Variants in NAPEPLD observed in about 807,000 individuals in gnomAD.
NAPEPLD encodes N-acyl-phosphatidylethanolamine-hydrolyzing phospholipase D.
A neutral mutation model predicts 38.1 loss-of-function variants in NAPEPLD; 23 were observed. The observed-to-expected ratio is 0.60, with a 90% CI of 0.43 to 0.86. NAPEPLD has a LOEUF of 0.86. NAPEPLD is among the 40% of genes least tolerant of loss of function. NAPEPLD has a pLI of 0.00. For synonymous variants in NAPEPLD, 147 were observed against 162.0 expected, an observed-to-expected ratio of 0.91 and a Z score of 0.71; for missense variants, 411 against 476.8, an observed-to-expected ratio of 0.86 and a Z score of 1.28.
At chr7:103,148,751 T>G in intron 1 of NAPEPLD, 60 bp downstream of exon 1, 1 of 926,122 alleles carries the variant, frequency 1.1e-6, no homozygotes, top group Non-Finnish European at 1.3e-6. Flanking sequence ...CAACAATAAG[T>G]TGCTCGGAGG....
rs1813089612 is a variant in NAPEPLD, at chr7:103,148,617, C to G, written c.-17+194G>C. Among the ~76,000 whole-genome samples, 3 of 150,370 alleles carry G rather than the reference C, an allele frequency of 2.0e-5. No homozygotes were observed. The South Asian group carries it at 6.3e-4, about 32-fold the overall frequency. ...ACAGCCTTCCACCACCCCTCCCCAG[C>G]TAGCCCCATTTTTTTTTTTGCTCTT... On this transcript the variant is annotated intron_variant, in intron 1 of 4. Coordinates refer to ENST00000465647, the MANE Select transcript of NAPEPLD (RefSeq NM_001122838.3).
chr7:103,103,403 A>G lies in NAPEPLD; in HGVS notation c.*26T>C, dbSNP rs780463597. 6.6e-7 allele frequency: 1 copy of G among 1,519,234 alleles called. No individual in the cohort carries two copies. Among genetic ancestry groups the G allele is most frequent in the Admixed American group, 2.5e-5 (1 of 40,716 alleles). 94.1% of individuals were successfully genotyped at this position (1,519,234 alleles called of 1,614,324 possible). On this transcript the variant is annotated 3_prime_UTR_variant, in exon 5 of 5. Coordinates refer to ENST00000465647, the MANE Select transcript of NAPEPLD (RefSeq NM_001122838.3). ...TTTAAACTTAGATGATGCCTTTTTC[A>G]TTAAAAGTGCCTGTGCTCACATTTA...
At chr7:103,120,251 A>C in intron 2 of NAPEPLD, 28 bp from the exon 3 acceptor site, 1 of 1,577,968 alleles carries the variant, frequency 6.3e-7, no homozygotes, top group Non-Finnish European at 8.6e-7. Context: ...GCAAGACAAA[A>C]GAGTAGTTAG....
intron 1 of NAPEPLD, among the ~76,000 whole-genome samples, chr7:103,136,505 T>G (rs112816776): frequency 1.1e-4 from 16 of 150,424 alleles, no homozygotes; most frequent in African/African-American, 3.9e-4. Context: ...GAGAATCACT[T>G]GAACCTGGAG....
chr7:103,123,439 A>C (rs1368243876), intron 2 of NAPEPLD, among the ~76,000 whole-genome samples: 1 of 152,220 alleles, frequency 6.6e-6, no homozygotes, highest in Non-Finnish European at 1.5e-5. Flanking sequence ...ACTTATCCAG[A>C]ATTAATGAGG....
chr7:103,142,011 A>C (rs937922405), intron 1 of NAPEPLD: 24 of 638,150 alleles, frequency 3.8e-5, no homozygotes, highest in Non-Finnish European at 6.7e-5. Context: ...AGGCTACTGA[A>C]TCAAAATGTC....
At chr7:103,141,757 A>G (rs1811430721) in intron 1 of NAPEPLD, 1 of 856,342 alleles carries the variant, frequency 1.2e-6, no homozygotes, top group Non-Finnish European at 2.1e-6. Context: ...TCCGGCATCA[A>G]GCGGGGGAAT....
At chr7:103,143,380 G>GA (rs200836323) in intron 1 of NAPEPLD, among the ~76,000 whole-genome samples, 4,938 of 144,868 alleles carry the variant, frequency 0.034, 234 homozygotes, top group African/African-American at 0.11. Context: ...CATGTATTTA[G>GA]AAAAAAAAAA....
rs1034327049 is a variant in NAPEPLD, at chr7:103,100,608, A to C, written c.*2821T>G. The C allele has an allele frequency of 1.3e-5, 2 of 152,240 alleles. No homozygotes were observed. The highest frequency in any genetic ancestry group is 1.3e-4 in the Admixed American group (2 of 15,284). The allele number at this position is 152,240 out of a possible 1,614,324, so 9.4% of individuals were successfully genotyped here. ...AAGTATTCCTCAGTTATCACAGGAAACTTCAATAAAATCTTACATATTGCT... is the reference window on the plus strand; with the variant it reads ...AAGTATTCCTCAGTTATCACAGGAACCTTCAATAAAATCTTACATATTGCT... On this transcript the variant is annotated 3_prime_UTR_variant, in exon 5 of 5. Coordinates refer to ENST00000465647, the MANE Select transcript of NAPEPLD (RefSeq NM_001122838.3).
upstream of NAPEPLD, among the ~76,000 whole-genome samples, chr7:103,149,769 T>TG (rs1813340674): frequency 1.3e-5 from 2 of 152,206 alleles, no homozygotes; most frequent in Non-Finnish European, 2.9e-5. Context: ...AACGCATTCC[T>TG]GGACACCAGC....
intron 3 of NAPEPLD, 79 bp downstream of exon 3, chr7:103,119,498 C>T (rs1806190969): frequency 1.3e-6 from 2 of 1,489,664 alleles, no homozygotes; most frequent in African/African-American, 2.8e-5. Context: ...TACAGTGTCA[C>T]AAAAATCATA....
intron 4 of NAPEPLD, among the ~76,000 whole-genome samples, chr7:103,104,609 C>A (rs1802935779): frequency 1.3e-5 from 2 of 152,190 alleles, no homozygotes; most frequent in African/African-American, 4.8e-5. Flanking sequence ...GGATACCTTT[C>A]AACTGACTAC....
chr7:103,103,579 T>C (rs200630680), intron 4 of NAPEPLD, 25 bp from the exon 5 acceptor site: 253 of 1,564,392 alleles, frequency 1.6e-4, no homozygotes, highest in Non-Finnish European at 2.0e-4. Context: ...AGAAGAAAAA[T>C]AGAAAAAGAT....
chr7:103,131,287 T>C (rs190453943), intron 1 of NAPEPLD, among the ~76,000 whole-genome samples: 3 of 152,290 alleles, frequency 2.0e-5, no homozygotes, highest in East Asian at 3.9e-4. Flanking sequence ...AAGGACACTT[T>C]GATTCAAAGA....
chr7:103,137,352 TATA>T (rs1208781351), intron 1 of NAPEPLD, among the ~76,000 whole-genome samples: 4 of 152,108 alleles, frequency 2.6e-5, no homozygotes, highest in Non-Finnish European at 5.9e-5. Context: ...AAGCTTCCTC[TATA>T]ATAAGAGGTT....
chr7:103,116,145 T>G (rs1400588063), intron 3 of NAPEPLD, among the ~76,000 whole-genome samples: 1 of 152,044 alleles, frequency 6.6e-6, no homozygotes, highest in African/African-American at 2.4e-5. Flanking sequence ...CACTGCAACC[T>G]CCGCCTCCTG....
chr7:103,121,825 C>T (rs1267091239), intron 2 of NAPEPLD, among the ~76,000 whole-genome samples: 1 of 152,038 alleles, frequency 6.6e-6, no homozygotes, highest in African/African-American at 2.4e-5. Context: ...AGTTAAAATA[C>T]AGGTCATGTT....
rs779636606 is a variant in NAPEPLD at position 103,119,988 on chromosome 7, G to A, written c.530C>T (p.Pro177Leu). Residue 177 changes from proline to leucine, a missense_variant, in exon 3 of 5, where the codon CCA becomes CTA. Coordinates refer to ENST00000465647, the MANE Select transcript of NAPEPLD (RefSeq NM_001122838.3). ...GTGACTGATAAGGACCGCATCTATT[G>A]GAGGGAGTTCACTTATTGTGCACGG... is the stretch of plus-strand genomic sequence containing the variant. ...RSPCTISELPPIDAVLISHNH... is the reference protein window; with the variant it reads ...RSPCTISELPLIDAVLISHNH... 1 of 1,614,166 alleles carries A rather than the reference G, an allele frequency of 6.2e-7. No individual in the cohort carries two copies. Among genetic ancestry groups the A allele is most frequent in the South Asian group, 1.1e-5 (1 of 91,080 alleles).
chr7:103,141,233 T>C (rs1489499592), intron 1 of NAPEPLD: 2 of 428,674 alleles, frequency 4.7e-6, no homozygotes, highest in African/African-American at 2.4e-5. Flanking sequence ...GAATTACCTG[T>C]GGAGTTGTTT....
Sources: gnomAD v4.1 joint callset for allele counts (sites outside exome capture counted in the v4.1 genomes callset) on GRCh38, gnomAD v4.1.1 for gene constraint, MANE v1.5 for transcripts, NCBI Gene and HGNC (gene_info 2026-07-23, HGNC 2026-07-21) for gene names.